The following CFAP52 variants were observed in gnomAD, a reference collection of about 807,000 sequenced individuals.
CFAP52 encodes the protein cilia- and flagella-associated protein 52.
Under a neutral mutation model 70.5 loss-of-function variants are expected in CFAP52, and 57 were observed. The observed-to-expected ratio is 0.81, with a 90% CI of 0.65 to 1.01. The LOEUF is 1.01. Ranked by LOEUF, CFAP52 falls within the 50% of genes least tolerant of loss-of-function variation. The pLI, the probability that CFAP52 is intolerant of heterozygous loss-of-function variation, is 0.00. For synonymous variants in CFAP52, 267 were observed against 292.5 expected, an observed-to-expected ratio of 0.91 and a Z score of 0.89; for missense variants, 785 against 788.5, an observed-to-expected ratio of 1.00 and a Z score of 0.05.
At chr17:9,591,363 C>G (rs1260516726) in intron 3 of CFAP52, among the ~76,000 whole-genome samples, 1 of 151,984 alleles carries the variant, frequency 6.6e-6, no homozygotes, top group Non-Finnish European at 1.5e-5. Flanking sequence ...AATTTTGTAA[C>G]CTATTTATGA....
At chr17:9,581,926 G>A (rs1447197371) in intron 1 of CFAP52, among the ~76,000 whole-genome samples, 1 of 152,146 alleles carries the variant, frequency 6.6e-6, no homozygotes, top group African/African-American at 2.4e-5. Flanking sequence ...TCTTTAGTTC[G>A]TGTCACTTGG....
chr17:9,588,610 G>A (rs537029862), intron 3 of CFAP52, among the ~76,000 whole-genome samples: 1 of 152,186 alleles, frequency 6.6e-6, no homozygotes, highest in African/African-American at 2.4e-5. Flanking sequence ...CTGGACCCTG[G>A]GATCTGACAG....
chr17:9,585,817 A>G lies in CFAP52; in HGVS notation c.115A>G (p.Met39Val). 2 of 1,614,132 alleles carry G rather than the reference A, an allele frequency of 1.2e-6. No homozygotes were observed. Among genetic ancestry groups the G allele is most frequent in the Non-Finnish European group, 1.7e-6 (2 of 1,180,014 alleles). ...GLKCHPDQEH[M>V]IYPLGCTVLI... is the part of the protein sequence containing the mutation. ...CAAATGCCATCCTGACCAGGAGCATATGATTTATCCTCTTGGTTGCACAGT... is the reference window on the plus strand; with the variant it reads ...CAAATGCCATCCTGACCAGGAGCATGTGATTTATCCTCTTGGTTGCACAGT... Residue 39 changes from methionine (M) to valine (V), a missense_variant, in exon 2 of 14, where the codon ATG (methionine) becomes GTG (valine). By Grantham distance (21) the Met-to-Val change is conservative. Coordinates refer to ENST00000352665, the MANE Select transcript of CFAP52 (RefSeq NM_145054.5).
intron 8 of CFAP52, among the ~76,000 whole-genome samples, chr17:9,623,931 T>C (rs1910143210): frequency 6.6e-6 from 1 of 152,124 alleles, no homozygotes; most frequent in Non-Finnish European, 1.5e-5. Context: ...TCTGGAAACA[T>C]TTTTTTAGCC....
intron 12 of CFAP52, among the ~76,000 whole-genome samples, chr17:9,641,301 C>G (rs1911045296): frequency 6.6e-6 from 1 of 152,068 alleles, no homozygotes; most frequent in East Asian, 1.9e-4. Context: ...TGGGAGGGTG[C>G]CTGTACAGCC....
At chr17:9,627,338 C>T (rs951516402) in intron 8 of CFAP52, among the ~76,000 whole-genome samples, 7 of 151,892 alleles carry the variant, frequency 4.6e-5, no homozygotes, top group African/African-American at 1.2e-4. Flanking sequence ...GGTGAAACCC[C>T]GTCTCTACTA....
Position 9,628,767 on chromosome 17 carries a change from A to T in CFAP52, c.1121A>T (p.Asn374Ile), listed in dbSNP as rs761146293. ...NRELLRITVP[N>I]MTCHGIDFMR... is the part of the protein sequence containing the mutation. ...GAGCTGCTGCGGATCACCGTGCCCA[A>T]CATGACCTGCCACGGCATCGACTTC... The change falls in exon 9 of 14, where the codon AAC becomes ATC. Residue 374 changes from asparagine (N) to isoleucine (I), a missense_variant. Asn to Ile is a moderately radical substitution (Grantham distance 149, BLOSUM62 -3). Transcript: ENST00000352665. 2 of 1,614,160 alleles carry T rather than the reference A, an allele frequency of 1.2e-6. No individual in the cohort carries two copies. Among genetic ancestry groups the T allele is most frequent in the Non-Finnish European group, 1.7e-6 (2 of 1,180,022 alleles).
chr17:9,588,946 C>CGCTGTCTCT (rs1423793566), intron 3 of CFAP52, among the ~76,000 whole-genome samples: 4 of 151,396 alleles, frequency 2.6e-5, no homozygotes, highest in Non-Finnish European at 5.9e-5. Flanking sequence ...CTACTAAAAA[C>CGCTGTCTCT]ACAAAAATTA....
chr17:9,613,424 T>C (rs1483251859), intron 8 of CFAP52, among the ~76,000 whole-genome samples: 1 of 152,058 alleles, frequency 6.6e-6, no homozygotes, highest in African/African-American at 2.4e-5. Flanking sequence ...TTAGCTTAAT[T>C]TATAATACTC....
At chr17:9,615,462 C>G (rs1453018797) in intron 8 of CFAP52, among the ~76,000 whole-genome samples, 1 of 152,066 alleles carries the variant, frequency 6.6e-6, no homozygotes, top group East Asian at 1.9e-4. Flanking sequence ...ATAAGTATTA[C>G]TATCTGATAA....
chr17:9,608,795 C>G (rs530032740), intron 7 of CFAP52, among the ~76,000 whole-genome samples: 2 of 152,214 alleles, frequency 1.3e-5, no homozygotes, highest in East Asian at 3.9e-4. Context: ...CTCCTCCAAC[C>G]AAACCAATGT....
chr17:9,634,153 C>G (rs1279276484), intron 10 of CFAP52, among the ~76,000 whole-genome samples: 1 of 152,148 alleles, frequency 6.6e-6, no homozygotes, highest in South Asian at 2.1e-4. Context: ...CCTCTGTGCC[C>G]CAGATTCTTT....
chr17:9,599,461 C>T (rs1165684265), intron 5 of CFAP52, among the ~76,000 whole-genome samples: 1 of 152,156 alleles, frequency 6.6e-6, no homozygotes, highest in Non-Finnish European at 1.5e-5. Context: ...AGAGATGTCT[C>T]AAAATTCTGA....
chr17:9,593,127 T>C (rs1332707845), intron 3 of CFAP52, among the ~76,000 whole-genome samples: 1 of 152,218 alleles, frequency 6.6e-6, no homozygotes, highest in Non-Finnish European at 1.5e-5. Flanking sequence ...TTAGGTATGT[T>C]TTTACATGAA....
chr17:9,637,146 G>T (rs778513893), intron 11 of CFAP52, among the ~76,000 whole-genome samples: 1 of 152,242 alleles, frequency 6.6e-6, no homozygotes, highest in Non-Finnish European at 1.5e-5. Context: ...TACAAATGTC[G>T]ATTTTGATTC....
intron 6 of CFAP52, among the ~76,000 whole-genome samples, chr17:9,606,288 C>T (rs938787253): frequency 6.6e-5 from 10 of 152,016 alleles, no homozygotes; most frequent in Non-Finnish European, 1.3e-4. Flanking sequence ...GAGGCTGAGG[C>T]AGGAGAATTG....
chr17:9,628,813 C>A lies in CFAP52; in HGVS notation c.1167C>A (p.Ile389=). The change falls in exon 9 of 14, where the codon ATC becomes ATA. Residue 389 remains isoleucine (I), a synonymous_variant. Transcript: ENST00000352665. The part of the protein sequence containing the change: ...GIDFMRDGKS[I]ISAWNDGKIR... The stretch of plus-strand genomic sequence containing the variant: ...ACTTCATGAGGGACGGCAAAAGCAT[C>A]ATTTCAGGTAACGTCCACATGTCAA... 2 of 1,614,100 alleles carry A rather than the reference C, an allele frequency of 1.2e-6. No homozygotes were observed. Among genetic ancestry groups the A allele is most frequent in the South Asian group, 1.1e-5 (1 of 91,084 alleles).
intron 4 of CFAP52, among the ~76,000 whole-genome samples, chr17:9,594,978 C>T (rs1272365863): frequency 6.6e-6 from 1 of 150,944 alleles, no homozygotes; most frequent in Non-Finnish European, 1.5e-5. Context: ...GCAACCTCCA[C>T]CTCCCGGGTT....
chr17:9,581,441 T>C (rs578129700), intron 1 of CFAP52, among the ~76,000 whole-genome samples: 1 of 152,146 alleles, frequency 6.6e-6, no homozygotes, highest in Non-Finnish European at 1.5e-5. Context: ...GTCAAAGATA[T>C]ATTAAGTATA....
Sources: gnomAD v4.1 joint callset for allele counts (sites outside exome capture counted in the v4.1 genomes callset) on GRCh38, gnomAD v4.1.1 for gene constraint, MANE v1.5 for transcripts, NCBI Gene and HGNC (gene_info 2026-07-23, HGNC 2026-07-21) for gene names.